EIF3L: variants seen among roughly 807,000 people sequenced by gnomAD.
EIF3L encodes eIEF associated protein HSPC021.
In EIF3L, 32 loss-of-function variants were observed where a neutral mutation model predicts 74.6. That is an observed-to-expected ratio of 0.43 (90% CI 0.32 to 0.58). The LOEUF is 0.58. Ranked by LOEUF, EIF3L falls within the 20% of genes least tolerant of loss-of-function variation. The pLI, the probability that EIF3L is intolerant of heterozygous loss-of-function variation, is 0.06. For missense variants in EIF3L, 474 were observed against 707.8 expected, an observed-to-expected ratio of 0.67 and a Z score of 3.75; for synonymous variants, 256 against 254.4, an observed-to-expected ratio of 1.01 and a Z score of -0.06.
chr22:37,864,821 G>T (rs966260323), intron 7 of EIF3L, among the ~76,000 whole-genome samples: 1 of 152,170 alleles, frequency 6.6e-6, no homozygotes, highest in Admixed American at 6.5e-5. Flanking sequence ...TTACAGGTGT[G>T]AGCCACCGCG....
chr22:37,856,844 CAA>C (rs934266268), intron 4 of EIF3L, among the ~76,000 whole-genome samples: 5 of 110,870 alleles, frequency 4.5e-5, no homozygotes, highest in Non-Finnish European at 3.9e-5. Context: ...AACTCCGCCT[CAA>C]AAAAAAAAAA....
At position 37,888,537 on chromosome 22, in the gene EIF3L, T is replaced by C; in HGVS notation, c.*73T>C. 1 of 1,488,122 alleles carries C rather than the reference T, an allele frequency of 6.7e-7. No individual in the cohort carries two copies. The highest frequency in any genetic ancestry group is 9.4e-7 in the Non-Finnish European group (1 of 1,069,404). The allele number at this position is 1,488,122 out of a possible 1,614,324, so 92.2% of individuals were successfully genotyped here. On this transcript the variant is annotated 3_prime_UTR_variant, in exon 13 of 13. Transcript: ENST00000652021. ...GAAGTGTTTTTGCTACCGTGAAACC[T>C]TTACCTAGATCAGCCATCAGCCTGT...
At chr22:37,886,924 AT>A in intron 12 of EIF3L, 79 bp downstream of exon 12, 1 of 1,165,578 alleles carries the variant, frequency 8.6e-7, no homozygotes, top group Non-Finnish European at 1.2e-6. Flanking sequence ...CTTTTTTTTA[AT>A]TTTTATTCCT....
Position 37,876,031 on chromosome 22 carries a change from CCA to C in EIF3L, c.1077+22_1077+23del, listed in dbSNP as rs752796209. On this transcript the variant is annotated intron_variant, in intron 10 of 12. Transcript: ENST00000652021. Reference sequence around the variant, plus strand: ...GAGATGGTAAGGGGGACTCTGCCTGCCACCAGTGGCCTTTCTAATCAGGGGGA... The same window carrying C: ...GAGATGGTAAGGGGGACTCTGCCTGCCCAGTGGCCTTTCTAATCAGGGGGA... 20 of 1,602,702 alleles carry C rather than the reference CCA, an allele frequency of 1.2e-5. No individual in the cohort carries two copies. The highest frequency in any genetic ancestry group is 9.0e-5 in the East Asian group (4 of 44,572).
At chr22:37,873,373 A>C (rs956539679) in intron 8 of EIF3L, among the ~76,000 whole-genome samples, 4 of 148,888 alleles carry the variant, frequency 2.7e-5, no homozygotes, top group African/African-American at 9.9e-5. Flanking sequence ...ATCTGGGCTC[A>C]CTGCAAGCTC....
intron 7 of EIF3L, among the ~76,000 whole-genome samples, chr22:37,863,604 G>T (rs1925979649): frequency 6.6e-6 from 1 of 152,122 alleles, no homozygotes; most frequent in African/African-American, 2.4e-5. Flanking sequence ...TAGGTGGTCT[G>T]GTGGTAAGAA....
chr22:37,849,516 G>A, intron 1 of EIF3L, 34 bp downstream of exon 1: 1 of 1,570,150 alleles, frequency 6.4e-7, no homozygotes, highest in Non-Finnish European at 8.7e-7. Context: ...TGGGCTCCAC[G>A]ACGGGGTGAT....
At position 37,861,671 on chromosome 22, in the gene EIF3L, G is replaced by A. The variant is rs138247986; in HGVS notation, c.436-1298G>A. Among the ~76,000 whole-genome samples, 17 of 150,758 alleles carry A rather than the reference G, an allele frequency of 1.1e-4. No individual in the cohort carries two copies. The East Asian group carries it at 3.1e-3, about 28-fold the overall frequency. ...TGCACTCCAGCCTAGGCACCAGAGC[G>A]AGACTCCGTCTCAAAAAAAAAAAAA... On this transcript the variant is annotated intron_variant, in intron 5 of 12. Transcript: ENST00000652021.
intron 8 of EIF3L, 97 bp downstream of exon 8, chr22:37,870,444 A>C: frequency 8.0e-7 from 1 of 1,248,928 alleles, no homozygotes; most frequent in Non-Finnish European, 1.1e-6. Flanking sequence ...CAGATGAGTC[A>C]CCATGTCTTA....
At chr22:37,886,704 G>A (rs1437961163) in intron 11 of EIF3L, 61 bp from the exon 12 acceptor site, 1 of 1,468,548 alleles carries the variant, frequency 6.8e-7, no homozygotes, top group Non-Finnish European at 9.5e-7. Flanking sequence ...GGTGGCTCCT[G>A]GGTTAGATGG....
rs747503779 is a variant in EIF3L at position 37,878,108 on chromosome 22, C to T, written c.1512C>T (p.Ser504=). 5.2e-5 allele frequency: 84 copies of T among 1,614,060 alleles called. 1 individual carries two copies. The Middle Eastern group carries it at 6.6e-4, about 13-fold the overall frequency. Residue 504 remains serine, a synonymous_variant, in exon 11 of 13, where the codon AGC becomes AGT. Transcript: ENST00000652021. ...KHKMKNLVWT[S]GISALDGEFQ... ...AGATGAAGAACCTCGTGTGGACCAG[C>T]GGTATCTCAGCCCTGGATGGTGAAT...
At chr22:37,873,674 C>T (rs1406591098) in intron 8 of EIF3L, among the ~76,000 whole-genome samples, 1 of 151,952 alleles carries the variant, frequency 6.6e-6, no homozygotes, top group Non-Finnish European at 1.5e-5. Context: ...AACAGGGTCT[C>T]TCTGTTACCC....
At chr22:37,874,616 AG>A in intron 9 of EIF3L, 92 bp downstream of exon 9, 1 of 1,406,820 alleles carries the variant, frequency 7.1e-7, no homozygotes, top group South Asian at 1.4e-5. Context: ...TTTCCAGGAG[AG>A]GAAAGAGGAC....
intron 4 of EIF3L, among the ~76,000 whole-genome samples, chr22:37,857,191 C>G (rs1925563549): frequency 6.6e-6 from 1 of 151,702 alleles, no homozygotes; most frequent in African/African-American, 2.4e-5. Flanking sequence ...GAAACCCCGT[C>G]TCTACTAAAA....
intron 8 of EIF3L, chr22:37,871,377 C>A (rs1298552420): frequency 6.6e-6 from 1 of 152,118 alleles, no homozygotes; most frequent in African/African-American, 2.4e-5. Flanking sequence ...GCTCCAAAAT[C>A]TGACTTTTTG....
intron 5 of EIF3L, 31 bp downstream of exon 5, chr22:37,858,771 T>G: frequency 5.1e-6 from 8 of 1,575,974 alleles, no homozygotes; most frequent in Non-Finnish European, 6.0e-6. Flanking sequence ...GTTTTTTTTT[T>G]GTTTTTGTTT....
rs969095247 is a variant in EIF3L at position 37,849,486 on chromosome 22, A to G, written c.33+4A>G. The G allele has an allele frequency of 8.8e-6, 14 of 1,596,200 alleles. No individual in the cohort carries two copies. In the African/African-American group the frequency reaches 1.6e-4, roughly 18 times the overall value. On this transcript the variant is annotated splice_donor_region_variant and intron_variant, in intron 1 of 12. Transcript: ENST00000652021. ...CGCTGATGATTATGAGTCTGAGGTA[A>G]GGTGGCCGTAAGGGCGCGGTGGGCT...
intron 1 of EIF3L, 192 bp downstream of exon 1, chr22:37,849,674 G>C (rs1601748109): frequency 3.1e-6 from 2 of 648,302 alleles, no homozygotes; most frequent in East Asian, 5.5e-5. Context: ...TCGCGTGTTC[G>C]ATTGGCTTGT....
intron 9 of EIF3L, 138 bp downstream of exon 9, chr22:37,874,662 C>A: frequency 1.9e-6 from 2 of 1,026,182 alleles, no homozygotes; most frequent in Non-Finnish European, 2.8e-6. Flanking sequence ...GAGACTAAAA[C>A]TGGGCAAACA....
Sources: allele counts gnomAD v4.1 joint callset (sites outside exome capture counted in the v4.1 genomes callset), GRCh38; gene constraint gnomAD v4.1.1; transcripts MANE v1.5; gene names NCBI Gene and HGNC (gene_info 2026-07-23, HGNC 2026-07-21).